BCAR3: variants seen among roughly 807,000 people sequenced by gnomAD.
BCAR3 encodes breast cancer anti-estrogen resistance protein 3.
In BCAR3, 37 loss-of-function variants were observed where a neutral mutation model predicts 80.1. The observed-to-expected ratio is 0.46, with a 90% confidence interval of 0.36 to 0.61. The LOEUF is 0.61. Ranked by LOEUF, BCAR3 falls within the 20% of genes least tolerant of loss-of-function variation. BCAR3 has a pLI of 0.00. For missense variants in BCAR3, 978 were observed against 1,068.2 expected (o/e 0.92, Z 1.18); for synonymous variants, 389 against 418.9 (o/e 0.93, Z 0.87).
intron 3 of BCAR3, among the ~76,000 whole-genome samples, chr1:93,702,666 G>A (rs375552198): frequency 1.3e-5 from 2 of 152,234 alleles, no homozygotes; most frequent in East Asian, 3.8e-4. Flanking sequence ...TAAGACAGGA[G>A]GTCAGATAAC....
chr1:93,764,791 GTA>G (rs1311398542), intron 2 of BCAR3, among the ~76,000 whole-genome samples: 1 of 152,112 alleles, frequency 6.6e-6, no homozygotes, highest in Non-Finnish European at 1.5e-5. Context: ...TTCAATTTTG[GTA>G]TCTAGCTCTC....
intron 2 of BCAR3, among the ~76,000 whole-genome samples, chr1:93,660,241 C>T (rs971285750): frequency 2.6e-5 from 4 of 152,160 alleles, no homozygotes; most frequent in Non-Finnish European, 2.9e-5. Context: ...CACAGGCCAG[C>T]GACCGAACTG....
chr1:93,744,783 G>A (rs1651296927), intron 2 of BCAR3, among the ~76,000 whole-genome samples: 10 of 152,216 alleles, frequency 6.6e-5, no homozygotes. Flanking sequence ...AGGATTCTCA[G>A]TCAAACGCAA....
intron 3 of BCAR3, among the ~76,000 whole-genome samples, chr1:93,699,253 A>G (rs1649546722): frequency 6.6e-6 from 1 of 152,230 alleles, no homozygotes; most frequent in African/African-American, 2.4e-5. Flanking sequence ...CTTAACTCAC[A>G]CTGTGTCACC....
In BCAR3 at chr1:93,747,034, G is replaced by T. The variant is rs192926010; in HGVS notation, c.-62-40892C>A. Among the ~76,000 whole-genome samples the T allele has an allele frequency of 3.3e-3, 509 of 152,218 alleles. 2 individuals carry two copies. The highest frequency in any genetic ancestry group is 0.012 in the African/African-American group (481 of 41,538). Reference sequence around the variant, plus strand: ...CAGGGCTGTGGTCTTGGTCTTCTTTGTTTTCTTCATTCTTCATATTTTTAA... The same window carrying T: ...CAGGGCTGTGGTCTTGGTCTTCTTTTTTTTCTTCATTCTTCATATTTTTAA... On this transcript the variant is annotated intron_variant, in intron 2 of 13. Coordinates refer to the BCAR3 transcript ENST00000370244.
chr1:93,660,147 A>G (rs1647585118), intron 2 of BCAR3, among the ~76,000 whole-genome samples: 1 of 152,126 alleles, frequency 6.6e-6, no homozygotes, highest in African/African-American at 2.4e-5. Flanking sequence ...CACTAAGGGA[A>G]TAAAACATTG....
intron 2 of BCAR3, among the ~76,000 whole-genome samples, chr1:93,662,203 C>T (rs1211435181): frequency 6.6e-6 from 1 of 152,156 alleles, no homozygotes; most frequent in African/African-American, 2.4e-5. Context: ...TGACCAACTC[C>T]GATGGTCAGA....
intron 2 of BCAR3, among the ~76,000 whole-genome samples, chr1:93,716,770 G>T (rs1650204433): frequency 6.6e-6 from 1 of 152,240 alleles, no homozygotes; most frequent in Non-Finnish European, 1.5e-5. Context: ...GAACTTGTGG[G>T]ATTTGTCCAT....
chr1:93,677,893 A>T (rs553495076), intron 1 of BCAR3, among the ~76,000 whole-genome samples: 1 of 152,166 alleles, frequency 6.6e-6, no homozygotes, highest in Non-Finnish European at 1.5e-5. Context: ...CAGAGAGTAG[A>T]TCCCTTAACT....
chr1:93,590,183 C>CA (rs1674113078), intron 4 of BCAR3: 1 of 152,176 alleles, frequency 6.6e-6, no homozygotes, highest in Admixed American at 6.5e-5. Context: ...GTATACATAA[C>CA]ATATGTAAGC....
intron 2 of BCAR3, among the ~76,000 whole-genome samples, chr1:93,829,496 G>A (rs1364449941): frequency 1.3e-5 from 2 of 151,952 alleles, no homozygotes; most frequent in Admixed American, 6.6e-5. Context: ...TTCTGTTAGA[G>A]AAGAAATGGT....
chr1:93,642,436 T>C, intron 2 of BCAR3, 93 bp from the exon 3 acceptor site: 1 of 1,253,030 alleles, frequency 8.0e-7, no homozygotes, highest in Non-Finnish European at 1.2e-6. Flanking sequence ...CCCTATTCAC[T>C]AAGTTACTAA....
chr1:93,645,277 G>GAAA (rs567597016), intron 2 of BCAR3, among the ~76,000 whole-genome samples: 95 of 145,862 alleles, frequency 6.5e-4, no homozygotes, highest in African/African-American at 2.3e-3. Context: ...TTTCAAGGGG[G>GAAA]AAAAAAAAAA....
At chr1:93,685,363 G>A (rs1557654004), upstream of BCAR3, among the ~76,000 whole-genome samples, 1 of 151,974 alleles carries the variant, frequency 6.6e-6, no homozygotes, top group Non-Finnish European at 1.5e-5. Flanking sequence ...ATGTGTGTGT[G>A]TGTGTGTGTA....
chr1:93,846,858 G>A (rs1173194143), intron 1 of BCAR3: 1 of 482,100 alleles, frequency 2.1e-6, no homozygotes, highest in South Asian at 1.5e-5. Flanking sequence ...CAGTCCACCA[G>A]AGCCCGGATA....
Position 93,576,102 on chromosome 1 carries a change from C to G in BCAR3, c.1714G>C (p.Glu572Gln), listed in dbSNP as rs1335187874. 1 of 1,614,198 alleles carries G rather than the reference C, an allele frequency of 6.2e-7. No individual in the cohort carries two copies. Among genetic ancestry groups the G allele is most frequent in the Admixed American group, 1.7e-5 (1 of 60,030 alleles). ...CTCACCCCCATGTTCCTCCTCATCT[C>G]TTCAGAGACTCCAAGTATCCTAGCA... is the stretch of plus-strand genomic sequence containing the variant. ...RVARILGVSE[E>Q]MRRNMGVSSG... The change falls in exon 8 of 12, where the codon GAG becomes CAG. Residue 572 changes from glutamate to glutamine, a missense_variant. By Grantham distance (29) the Glu-to-Gln change is conservative. Coordinates refer to ENST00000260502, the MANE Select transcript of BCAR3 (RefSeq NM_003567.4).
chr1:93,648,321 C>T (rs760059842), intron 2 of BCAR3, among the ~76,000 whole-genome samples: 1 of 151,962 alleles, frequency 6.6e-6, no homozygotes, highest in Non-Finnish European at 1.5e-5. Flanking sequence ...GAGAGAGGTG[C>T]TATGTGTAGA....
At chr1:93,796,336 A>G (rs1251749856) in intron 2 of BCAR3, among the ~76,000 whole-genome samples, 1 of 141,642 alleles carries the variant, frequency 7.1e-6, no homozygotes, top group African/African-American at 2.9e-5. Flanking sequence ...CCTCTGAGCC[A>G]GGTGTGGGAT....
rs1173758820 is a variant in BCAR3 at position 93,790,327 on chromosome 1, A to C, written c.-63+55240T>G. ...AATAATCATCCCTCTCCCTTTGCTT[A>C]TATATGTACTTTTTTATATATGTGA... On this transcript the variant is annotated intron_variant, in intron 2 of 13. Coordinates refer to the BCAR3 transcript ENST00000370244. Among the ~76,000 whole-genome samples, 14 of 152,290 alleles carry C rather than the reference A, an allele frequency of 9.2e-5. No homozygotes were observed. In the South Asian group the frequency reaches 2.5e-3, roughly 27 times the overall value.
Sources: gnomAD v4.1 joint callset for allele counts (sites outside exome capture counted in the v4.1 genomes callset) on GRCh38, gnomAD v4.1.1 for gene constraint, MANE v1.5 for transcripts, NCBI Gene and HGNC (gene_info 2026-07-23, HGNC 2026-07-21) for gene names.